The following BRIP1 variants were observed in gnomAD, a reference collection of about 807,000 sequenced individuals.
BRIP1 encodes Fanconi anemia group J protein.
A neutral mutation model predicts 119.7 loss-of-function variants in BRIP1; 88 were observed. That is an observed-to-expected ratio of 0.74 (90% CI 0.62 to 0.88). The LOEUF is 0.88. Among genes scored for constraint, BRIP1 ranks in the 40% least tolerant of loss-of-function variants. BRIP1 has a pLI of 0.00. For synonymous variants in BRIP1, 443 were observed against 496.5 expected (o/e 0.89, Z 1.43); for missense variants, 1,259 against 1,455.4 (o/e 0.87, Z 2.20).
In BRIP1 at chr17:61,744,661, G is replaced by T; in HGVS notation, c.2098-70C>A. ...AACAAACTTAACTTCATTTGTTTAA[G>T]CCAATGTGACTACGGCAAGTATATT... On this transcript the variant is annotated intron_variant, in intron 14 of 19. Coordinates refer to ENST00000259008, the MANE Select transcript of BRIP1 (RefSeq NM_032043.3). This position sits in a 1 kb window ranked among gnomAD's most constrained non-coding sequence, Gnocchi z 5.0. 7.3e-7 allele frequency: 1 copy of T among 1,363,924 alleles called. No homozygotes were observed. The highest frequency in any genetic ancestry group is 1.0e-6 in the Non-Finnish European group (1 of 954,836). The allele number at this position is 1,363,924 out of a possible 1,614,324, so 84.5% of individuals were successfully genotyped here.
intron 14 of BRIP1, among the ~76,000 whole-genome samples, chr17:61,766,056 T>C (rs2077369211): frequency 6.6e-6 from 1 of 152,190 alleles, no homozygotes; most frequent in Non-Finnish European, 1.5e-5. Flanking sequence ...TAGGTATTTT[T>C]ATATAAGTGC....
Position 61,755,595 on chromosome 17 carries a change from T to C in BRIP1, c.2098-11004A>G, listed in dbSNP as rs187771595. 6.6e-6 allele frequency among the ~76,000 whole-genome samples: 1 copy of C among 151,820 alleles called. No homozygotes were observed. Among genetic ancestry groups the C allele is most frequent in the Non-Finnish European group, 1.5e-5 (1 of 67,906 alleles). On this transcript the variant is annotated intron_variant, in intron 14 of 19. Transcript: ENST00000259008. This position sits in a 1 kb window ranked among gnomAD's most constrained non-coding sequence, Gnocchi z 4.5. The stretch of plus-strand genomic sequence containing the variant: ...AAAAATAAAATATTAAAAATAAGAG[T>C]ATCCAGATGCTTTGTAAGATGACAA...
At position 61,794,583 on chromosome 17, in the gene BRIP1, T is replaced by C. The variant is rs1163363998; in HGVS notation, c.1341-854A>G. Reference sequence around the variant, plus strand: ...AAGATCAGGAAAAATAACTAATGAGTTATAAGGCTTAATACCTGGGTGATG... The same window carrying C: ...AAGATCAGGAAAAATAACTAATGAGCTATAAGGCTTAATACCTGGGTGATG... On this transcript the variant is annotated intron_variant, in intron 9 of 19. Transcript: ENST00000259008. This position sits in a 1 kb window ranked among gnomAD's most constrained non-coding sequence, Gnocchi z 4.3. 6.6e-6 allele frequency among the ~76,000 whole-genome samples: 1 copy of C among 151,434 alleles called. No homozygotes were observed. The highest frequency in any genetic ancestry group is 1.5e-5 in the Non-Finnish European group (1 of 67,864).
Position 61,780,839 on chromosome 17 carries a change from C to G in BRIP1, c.1794+1G>C, listed in dbSNP as rs766516963. 1.2e-6 allele frequency: 2 copies of G among 1,613,890 alleles called. No individual in the cohort carries two copies. On this transcript the variant is annotated splice_donor_variant, in intron 12 of 19. Coordinates refer to ENST00000259008, the MANE Select transcript of BRIP1 (RefSeq NM_032043.3). LOFTEE classifies it high-confidence loss of function. The surrounding 1 kb of genome is among the most constrained non-coding windows in gnomAD (Gnocchi z 5.4). Reference sequence around the variant, plus strand: ...AATTTCCATTTACATGATGAGCTTACCACAGCTGGATTTAAGCACCAAAAG... The same window carrying G: ...AATTTCCATTTACATGATGAGCTTAGCACAGCTGGATTTAAGCACCAAAAG...
At position 61,717,524 on chromosome 17, in the gene BRIP1, TTTTTC is replaced by T. The variant is rs1233368624; in HGVS notation, c.2380-1466_2380-1462del. Among the ~76,000 whole-genome samples the T allele has an allele frequency of 1.3e-5, 2 of 152,090 alleles. No homozygotes were observed. Among genetic ancestry groups the T allele is most frequent in the Non-Finnish European group, 2.9e-5 (2 of 67,988 alleles). On this transcript the variant is annotated intron_variant, in intron 16 of 19. Coordinates refer to ENST00000259008, the MANE Select transcript of BRIP1 (RefSeq NM_032043.3). The surrounding 1 kb of genome is among the most constrained non-coding windows in gnomAD (Gnocchi z 4.1). The stretch of plus-strand genomic sequence containing the variant: ...GATCAAGAATTCTAAATTGACAGGT[TTTTTC>T]TTTTGTTAAAGACGGCTTTTCATTG...
rs192136357 is a variant in BRIP1, at chr17:61,846,356, G to C, written c.627+745C>G. 1.3e-5 allele frequency among the ~76,000 whole-genome samples: 2 copies of C among 151,748 alleles called. No homozygotes were observed. Among genetic ancestry groups the C allele is most frequent in the African/African-American group, 4.8e-5 (2 of 41,324 alleles). On this transcript the variant is annotated intron_variant, in intron 6 of 19. Coordinates refer to ENST00000259008, the MANE Select transcript of BRIP1 (RefSeq NM_032043.3). The surrounding 1 kb of genome is among the most constrained non-coding windows in gnomAD (Gnocchi z 4.3). The stretch of plus-strand genomic sequence containing the variant: ...TTGCTTTTGCGCCACCAGTACAAAT[G>C]TCAAGACAATCCAAAAGGCAATAAT...
chr17:61,791,691 A>G (rs1422805631), intron 10 of BRIP1, among the ~76,000 whole-genome samples: 2 of 152,000 alleles, frequency 1.3e-5, no homozygotes, highest in Non-Finnish European at 2.9e-5. Flanking sequence ...CATATTACCT[A>G]CATCACCCCT....
At chr17:61,718,943 A>G (rs539519243) in intron 16 of BRIP1, among the ~76,000 whole-genome samples, 1 of 152,368 alleles carries the variant, frequency 6.6e-6, no homozygotes, top group Admixed American at 6.5e-5. Flanking sequence ...ATGTAAAGCT[A>G]TGCAAATAGT....
rs749251680 is a variant in BRIP1 at position 61,801,300 on chromosome 17, T to G, written c.1093A>C (p.Ile365Leu). 1 of 1,614,084 alleles carries G rather than the reference T, an allele frequency of 6.2e-7. No homozygotes were observed. The highest frequency in any genetic ancestry group is 8.5e-7 in the Non-Finnish European group (1 of 1,179,944). ...ARELIQDADIIFCPYNYLLDA... is the reference protein window; with the variant it reads ...ARELIQDADILFCPYNYLLDA... ...AGAAGATAGTTGTAGGGACAAAATA[T>G]GATGTCAGCATCTTGTATTAGTTCT... Residue 365 changes from isoleucine to leucine, a missense_variant, in exon 8 of 20, where the codon ATA becomes CTA. Coordinates refer to ENST00000259008, the MANE Select transcript of BRIP1 (RefSeq NM_032043.3).
Position 61,686,198 on chromosome 17 carries a change from G to A in BRIP1, c.2576-33C>T, listed in dbSNP as rs2144119860. On this transcript the variant is annotated intron_variant, in intron 18 of 19. Coordinates refer to ENST00000259008, the MANE Select transcript of BRIP1 (RefSeq NM_032043.3). The surrounding 1 kb of genome is among the most constrained non-coding windows in gnomAD (Gnocchi z 5.4). ...AAAAGGTAAACCCAGGGAAAATTTG[G>A]TTACTTAGTTATTAAAATATTACAT... The A allele has an allele frequency of 3.2e-6, 5 of 1,584,228 alleles. No individual in the cohort carries two copies. Among genetic ancestry groups the A allele is most frequent in the Non-Finnish European group, 3.5e-6 (4 of 1,153,196 alleles).
intron 6 of BRIP1, among the ~76,000 whole-genome samples, chr17:61,839,931 A>G (rs1317098267): frequency 6.6e-6 from 1 of 152,240 alleles, no homozygotes; most frequent in African/African-American, 2.4e-5. Flanking sequence ...AGCATACTAC[A>G]TAACCAAAAG....
chr17:61,699,131 C>T lies in BRIP1; in HGVS notation c.2493-5619G>A, dbSNP rs1252105352. ...TTACTATTTGCATGGTATGTCTTTT[C>T]CCATCATTTTATTTTCAACCTATTT... On this transcript the variant is annotated intron_variant, in intron 17 of 19. Coordinates refer to ENST00000259008, the MANE Select transcript of BRIP1 (RefSeq NM_032043.3). The surrounding 1 kb of genome is among the most constrained non-coding windows in gnomAD (Gnocchi z 4.8). Among the ~76,000 whole-genome samples the T allele has an allele frequency of 2.6e-5, 4 of 151,964 alleles. No individual in the cohort carries two copies. The highest frequency in any genetic ancestry group is 9.7e-5 in the African/African-American group (4 of 41,364).
Position 61,731,162 on chromosome 17 carries a change from C to T in BRIP1, c.2379+11851G>A, listed in dbSNP as rs147478369. Among the ~76,000 whole-genome samples, 3 of 151,734 alleles carry T rather than the reference C, an allele frequency of 2.0e-5. No homozygotes were observed. In the East Asian group the frequency reaches 5.8e-4, roughly 29 times the overall value. On this transcript the variant is annotated intron_variant, in intron 16 of 19. Coordinates refer to ENST00000259008, the MANE Select transcript of BRIP1 (RefSeq NM_032043.3). Reference sequence around the variant, plus strand: ...TAATTGAGGATATACTCACTCTAGACTTTTAGAGGTGACAAGGTTTTTTCT... The same window carrying T: ...TAATTGAGGATATACTCACTCTAGATTTTTAGAGGTGACAAGGTTTTTTCT...
At chr17:61,737,673 AT>A (rs2076936458) in intron 16 of BRIP1, among the ~76,000 whole-genome samples, 1 of 152,224 alleles carries the variant, frequency 6.6e-6, no homozygotes, top group African/African-American at 2.4e-5. Context: ...TATTTCAAGT[AT>A]TTTAGGTATT....
At chr17:61,697,825 A>T (rs74640404) in intron 17 of BRIP1, among the ~76,000 whole-genome samples, 1 of 145,944 alleles carries the variant, frequency 6.9e-6, no homozygotes, top group Non-Finnish European at 1.5e-5. Context: ...TTTTTTTTTT[A>T]GACAGAGTCT....
At position 61,713,824 on chromosome 17, in the gene BRIP1, C is replaced by T. The variant is rs1234956962; in HGVS notation, c.2492+2127G>A. Reference sequence around the variant, plus strand: ...GCTTCAGCTATTGCGCTCCCCATGTCTTCATTTTTAACAGAAAAGTTTAAA... The same window carrying T: ...GCTTCAGCTATTGCGCTCCCCATGTTTTCATTTTTAACAGAAAAGTTTAAA... On this transcript the variant is annotated intron_variant, in intron 17 of 19. Transcript: ENST00000259008. This position sits in a 1 kb window ranked among gnomAD's most constrained non-coding sequence, Gnocchi z 4.9. 2.6e-5 allele frequency among the ~76,000 whole-genome samples: 4 copies of T among 151,414 alleles called. No individual in the cohort carries two copies. The highest frequency in any genetic ancestry group is 9.7e-5 in the African/African-American group (4 of 41,206).
chr17:61,707,777 G>C (rs1388313133), intron 17 of BRIP1, among the ~76,000 whole-genome samples: 1 of 151,532 alleles, frequency 6.6e-6, no homozygotes, highest in African/African-American at 2.4e-5. Context: ...GCAAACTATA[G>C]CCTATAGTGC....
Position 61,850,829 on chromosome 17 carries a change from C to CA in BRIP1, c.380-1574dup, listed in dbSNP as rs371339265. On this transcript the variant is annotated intron_variant, in intron 4 of 19. Coordinates refer to ENST00000259008, the MANE Select transcript of BRIP1 (RefSeq NM_032043.3). The stretch of plus-strand genomic sequence containing the variant: ...GCAACAGAACAAGACTCTATGTCTC[C>CA]AAAAAAAAAAGAAAGCTTGAGATTA... Among the ~76,000 whole-genome samples, 572 of 139,668 alleles carry CA rather than the reference C, an allele frequency of 4.1e-3. 2 individuals are homozygous for CA. The highest frequency in any genetic ancestry group is 0.013 in the African/African-American group (514 of 38,096). The allele number at this position is 139,668 out of a possible 152,430, so 91.6% of individuals were successfully genotyped here.
At position 61,757,035 on chromosome 17, in the gene BRIP1, A is replaced by T. The variant is rs2077209458; in HGVS notation, c.2098-12444T>A. The stretch of plus-strand genomic sequence containing the variant: ...ATCTAAAGATGATTCTTCATTATTC[A>T]TTTCATGAGGTACTCATATGTTTTA... On this transcript the variant is annotated intron_variant, in intron 14 of 19. Coordinates refer to ENST00000259008, the MANE Select transcript of BRIP1 (RefSeq NM_032043.3). This position sits in a 1 kb window ranked among gnomAD's most constrained non-coding sequence, Gnocchi z 4.3. Among the ~76,000 whole-genome samples the T allele has an allele frequency of 6.6e-6, 1 of 152,076 alleles. No homozygotes were observed. The highest frequency in any genetic ancestry group is 6.5e-5 in the Admixed American group (1 of 15,272).
Sources: gnomAD v4.1 joint callset for allele counts (sites outside exome capture counted in the v4.1 genomes callset) on GRCh38, gnomAD v4.1.1 for gene constraint, Gnocchi (gnomAD v3.1) non-coding constraint, MANE v1.5 for transcripts, NCBI Gene and HGNC (gene_info 2026-07-23, HGNC 2026-07-21) for gene names.